Variants in GBE1 observed in about 807,000 individuals in gnomAD.
The protein encoded by GBE1 is 1,4-alpha-glucan-branching enzyme.
A neutral mutation model predicts 88.8 loss-of-function variants in GBE1; 70 were observed. The ratio of observed to expected loss-of-function variants is 0.79; its 90% CI spans 0.65 to 0.96. GBE1 has a LOEUF of 0.96. Among genes scored for constraint, GBE1 ranks in the 40% least tolerant of loss-of-function variants. GBE1 has a pLI of 0.00. For synonymous variants in GBE1, 284 were observed against 300.1 expected (o/e 0.95, Z 0.56); for missense variants, 872 against 871.0 (o/e 1.00, Z -0.01).
intron 7 of GBE1, among the ~76,000 whole-genome samples, chr3:81,607,327 G>A (rs373265445): frequency 7.2e-5 from 11 of 152,044 alleles, no homozygotes; most frequent in African/African-American, 2.4e-4. Flanking sequence ...AAGGTGGGTG[G>A]ATCATGAGGT....
intron 2 of GBE1, among the ~76,000 whole-genome samples, chr3:81,695,139 T>C (rs1705573084): frequency 6.6e-6 from 1 of 152,256 alleles, no homozygotes. Flanking sequence ...AGAAGTTGAT[T>C]GGTGAGCCAA....
At chr3:81,658,064 T>C (rs899774551) in intron 3 of GBE1, among the ~76,000 whole-genome samples, 22 of 152,164 alleles carry the variant, frequency 1.4e-4, no homozygotes, top group African/African-American at 4.1e-4. Flanking sequence ...TTTCACTAGA[T>C]ACCATTATTT....
At chr3:81,532,076 C>A (rs573897582) in intron 14 of GBE1, among the ~76,000 whole-genome samples, 62 of 152,020 alleles carry the variant, frequency 4.1e-4, no homozygotes, top group African/African-American at 1.5e-3. Context: ...CTTCCATGTG[C>A]CATGTGGTGC....
chr3:81,714,167 C>G lies in GBE1; in HGVS notation c.144-8554G>C, dbSNP rs186646801. On this transcript the variant is annotated intron_variant, in intron 1 of 15. Coordinates refer to ENST00000429644, the MANE Select transcript of GBE1 (RefSeq NM_000158.4). ...CTGGGAAAATTATCTATTTTGAACC[C>G]TGATGTCTTCCTAGTACATACAATA... Among the ~76,000 whole-genome samples the G allele has an allele frequency of 4.2e-3, 641 of 152,220 alleles. 12 individuals carry two copies. Among genetic ancestry groups the G allele is most frequent in the East Asian group, 2.3e-3 (12 of 5,184 alleles).
Position 81,490,299 on chromosome 3 carries a change from G to T in GBE1, c.*108C>A. 3 of 923,472 alleles carry T rather than the reference G, an allele frequency of 3.2e-6. No homozygotes were observed. Among genetic ancestry groups the T allele is most frequent in the South Asian group, 1.4e-5 (1 of 69,928 alleles). The allele number at this position is 923,472 out of a possible 1,614,324, so 57.2% of individuals were successfully genotyped here. A position where few individuals can be genotyped will look rare whatever the true frequency, so the allele number is the denominator to read the frequency against. ...TTGAATTTCAGACACTTGATGGCTT[G>T]GCTAGACAACTGTATTCTGAAAAGC... On this transcript the variant is annotated 3_prime_UTR_variant, in exon 16 of 16. Transcript: ENST00000429644.
intron 12 of GBE1, among the ~76,000 whole-genome samples, chr3:81,564,547 T>C (rs1366254083): frequency 6.6e-6 from 1 of 152,186 alleles, no homozygotes; most frequent in African/African-American, 2.4e-5. Flanking sequence ...AATCTTTTTA[T>C]ATTTGTAAAA....
At chr3:81,750,523 TCA>T (rs1706481296) in intron 1 of GBE1, among the ~76,000 whole-genome samples, 1 of 104,672 alleles carries the variant, frequency 9.6e-6, no homozygotes, top group East Asian at 3.9e-4. Flanking sequence ...CTCAAAACAT[TCA>T]TATATATATA....
chr3:81,557,962 T>C (rs898073226), intron 12 of GBE1, among the ~76,000 whole-genome samples: 2 of 152,028 alleles, frequency 1.3e-5, no homozygotes, highest in Non-Finnish European at 2.9e-5. Context: ...AAGTCAATGA[T>C]GATCTTGGAA....
chr3:81,496,144 A>G (rs993325103), intron 15 of GBE1, among the ~76,000 whole-genome samples: 3 of 152,224 alleles, frequency 2.0e-5, no homozygotes, highest in African/African-American at 7.2e-5. Flanking sequence ...ATATAGAGAA[A>G]TGATTATGCT....
chr3:81,706,957 T>C (rs566999458), intron 1 of GBE1, among the ~76,000 whole-genome samples: 51 of 151,468 alleles, frequency 3.4e-4, no homozygotes, highest in African/African-American at 1.2e-3. Context: ...AACAATGAAT[T>C]TGAATATATT....
intron 2 of GBE1, among the ~76,000 whole-genome samples, chr3:81,683,328 T>C (rs1309521146): frequency 6.6e-6 from 1 of 152,190 alleles, no homozygotes; most frequent in Non-Finnish European, 1.5e-5. Flanking sequence ...GCTTTTGCCC[T>C]AGAATAAAAT....
chr3:81,674,646 ACT>A (rs1705229563), intron 2 of GBE1, among the ~76,000 whole-genome samples: 1 of 151,810 alleles, frequency 6.6e-6, no homozygotes, highest in African/African-American at 2.4e-5. Context: ...AAGTCATGTG[ACT>A]CTACTACAGA....
At chr3:81,538,492 G>A (rs1025201738) in intron 12 of GBE1, among the ~76,000 whole-genome samples, 2 of 151,934 alleles carry the variant, frequency 1.3e-5, no homozygotes, top group Non-Finnish European at 2.9e-5. Context: ...GTTGTCCACA[G>A]TGTGTCATAG....
chr3:81,751,025 T>G lies in GBE1; in HGVS notation c.143+10350A>C, dbSNP rs547911223. On this transcript the variant is annotated intron_variant, in intron 1 of 15. Coordinates refer to ENST00000429644, the MANE Select transcript of GBE1 (RefSeq NM_000158.4). Reference sequence around the variant, plus strand: ...TATTCATGAAATTAAAAAAAGAAGATAGTGGAGCTAGGGCCAAGTAGCTGA... The same window carrying G: ...TATTCATGAAATTAAAAAAAGAAGAGAGTGGAGCTAGGGCCAAGTAGCTGA... Among the ~76,000 whole-genome samples the G allele has an allele frequency of 2.6e-5, 4 of 151,770 alleles. No individual in the cohort carries two copies. The South Asian group carries it at 8.3e-4, about 32-fold the overall frequency.
At chr3:81,530,831 G>A (rs185377402) in intron 14 of GBE1, among the ~76,000 whole-genome samples, 177 of 151,950 alleles carry the variant, frequency 1.2e-3, no homozygotes, top group Non-Finnish European at 2.3e-3. Context: ...GGGTACCAGT[G>A]ATGTTTATTC....
chr3:81,720,672 C>G (rs561812227), intron 1 of GBE1, among the ~76,000 whole-genome samples: 1 of 152,098 alleles, frequency 6.6e-6, no homozygotes, highest in African/African-American at 2.4e-5. Context: ...ACCATATTAT[C>G]AAGTTCCTCA....
intron 7 of GBE1, among the ~76,000 whole-genome samples, chr3:81,624,399 A>G (rs1440341717): frequency 3.9e-5 from 6 of 152,160 alleles, no homozygotes; most frequent in Non-Finnish European, 8.8e-5. Flanking sequence ...CAAGCATATT[A>G]CTTAGGCATC....
intron 10 of GBE1, among the ~76,000 whole-genome samples, chr3:81,585,320 T>C (rs941145883): frequency 2.0e-5 from 3 of 152,124 alleles, no homozygotes; most frequent in Non-Finnish European, 2.9e-5. Flanking sequence ...TAAGCCCTTC[T>C]ACAACTGTGG....
At chr3:81,706,427 C>A (rs1027044419) in intron 1 of GBE1, among the ~76,000 whole-genome samples, 4 of 152,066 alleles carry the variant, frequency 2.6e-5, no homozygotes, top group African/African-American at 9.7e-5. Flanking sequence ...CATTAGTATC[C>A]CCTATATCCA....
Sources: allele counts gnomAD v4.1 joint callset (sites outside exome capture counted in the v4.1 genomes callset), GRCh38; gene constraint gnomAD v4.1.1; transcripts MANE v1.5; gene names NCBI Gene and HGNC (gene_info 2026-07-23, HGNC 2026-07-21).